Variants in PIK3AP1 observed in about 807,000 individuals in gnomAD.
The protein encoded by PIK3AP1 is phosphoinositide-3-kinase adaptor protein 1, also known as phosphoinositide 3-kinase adapter protein 1.
A neutral mutation model predicts 88.1 loss-of-function variants in PIK3AP1; 21 were observed. The ratio of observed to expected loss-of-function variants is 0.24; its 90% CI spans 0.17 to 0.34. PIK3AP1 has a LOEUF of 0.34. PIK3AP1 is among the 10% of genes least tolerant of loss of function. PIK3AP1 has a pLI of 1.00. For missense variants in PIK3AP1, 828 were observed against 1,035.7 expected, an observed-to-expected ratio of 0.80 and a Z score of 2.75; for synonymous variants, 398 against 400.0, an observed-to-expected ratio of 1.00 and a Z score of 0.06.
intron 2 of PIK3AP1, among the ~76,000 whole-genome samples, chr10:96,685,753 G>A (rs1006478926): frequency 1.3e-5 from 2 of 152,166 alleles, no homozygotes; most frequent in African/African-American, 4.8e-5. Context: ...GTCCTGGTCC[G>A]ATGCAGCAGT....
chr10:96,657,042 T>A (rs957961315), intron 2 of PIK3AP1, 108 bp from the exon 3 acceptor site: 156 of 1,191,712 alleles, frequency 1.3e-4, no homozygotes, highest in Non-Finnish European at 1.7e-4. Flanking sequence ...CGGCTCTGAA[T>A]GTCAAACCAA....
intron 8 of PIK3AP1, among the ~76,000 whole-genome samples, chr10:96,628,875 C>CACACACACATATATACATATATAT (rs1564961141): frequency 7.7e-5 from 7 of 90,882 alleles, no homozygotes; most frequent in Non-Finnish European, 1.1e-4. Flanking sequence ...CATATATACA[C>CACACACACATATATACATATATAT]ATATATATAT....
chr10:96,719,963 C>T (rs1274490524), intron 1 of PIK3AP1, among the ~76,000 whole-genome samples: 1 of 152,234 alleles, frequency 6.6e-6, no homozygotes, highest in Non-Finnish European at 1.5e-5. Flanking sequence ...CCTAGGACTG[C>T]CTGAGCGCCC....
chr10:96,659,214 T>G (rs72821016), intron 2 of PIK3AP1, among the ~76,000 whole-genome samples: 3,351 of 152,276 alleles, frequency 0.022, 53 homozygotes, highest in Non-Finnish European at 0.031. Flanking sequence ...ATTTCTGAGG[T>G]TCTTCTGGGA....
chr10:96,623,629 A>G lies in PIK3AP1; in HGVS notation c.1670-92T>C, dbSNP rs1201800660. 6.3e-6 allele frequency: 7 copies of G among 1,111,924 alleles called. No individual in the cohort carries two copies. In the Admixed American group the frequency reaches 1.2e-4, roughly 18 times the overall value. The allele number at this position is 1,111,924 out of a possible 1,614,324, so 68.9% of individuals were successfully genotyped here. A position where few individuals can be genotyped will look rare whatever the true frequency, so the allele number is the denominator to read the frequency against. ...ATGAATCCATACCTAGGACCACCGTATGTGGTTCTGTAAATCAAAATTGTA... is the reference window on the plus strand; with the variant it reads ...ATGAATCCATACCTAGGACCACCGTGTGTGGTTCTGTAAATCAAAATTGTA... On this transcript the variant is annotated intron_variant, in intron 10 of 16. Coordinates refer to ENST00000339364, the MANE Select transcript of PIK3AP1 (RefSeq NM_152309.3).
In PIK3AP1 at chr10:96,645,615, G is replaced by A. The variant is rs767920261; in HGVS notation, c.1233C>T (p.His411=). Residue 411 remains histidine, a synonymous_variant, in exon 8 of 17, where the codon CAC becomes CAT. Coordinates refer to ENST00000339364, the MANE Select transcript of PIK3AP1 (RefSeq NM_152309.3). ...CGTACACAGCATCAGCCTCCTCCCC[G>A]TGCATCAGTTCCTCTTTAATGTGAC... ...LKSHIKEELM[H]GEEADAVYES... 8.7e-6 allele frequency: 14 copies of A among 1,610,838 alleles called. No homozygotes were observed. Among genetic ancestry groups the A allele is most frequent in the Middle Eastern group, 1.6e-4 (1 of 6,066 alleles).
chr10:96,666,142 G>A (rs1053412335), intron 2 of PIK3AP1, among the ~76,000 whole-genome samples: 5 of 152,166 alleles, frequency 3.3e-5, no homozygotes, highest in African/African-American at 9.7e-5. Flanking sequence ...TAAATAGGCC[G>A]GGCGAGGTGG....
At chr10:96,609,179 G>A (rs1300704920) in intron 14 of PIK3AP1, among the ~76,000 whole-genome samples, 2 of 152,118 alleles carry the variant, frequency 1.3e-5, no homozygotes, top group Non-Finnish European at 2.9e-5. Context: ...TTTTACTTGA[G>A]TACATTGTTT....
rs762600258 is a variant in PIK3AP1 at position 96,652,687 on chromosome 10, G to A, written c.712+11C>T. ...AGCCCTATGTCATCACATTCACAGG[G>A]GACTACTTACTGGGAGCCTTCACTG... On this transcript the variant is annotated intron_variant, in intron 4 of 16. Transcript: ENST00000339364. 2 of 1,613,742 alleles carry A rather than the reference G, an allele frequency of 1.2e-6. No homozygotes were observed. Among genetic ancestry groups the A allele is most frequent in the African/African-American group, 1.3e-5 (1 of 74,874 alleles).
chr10:96,661,077 C>T (rs933565692), intron 2 of PIK3AP1, among the ~76,000 whole-genome samples: 1 of 151,996 alleles, frequency 6.6e-6, no homozygotes, highest in African/African-American at 2.4e-5. Context: ...AAAAATTAGC[C>T]TCTCATGAGG....
At chr10:96,705,889 T>TG (rs1564990278) in intron 2 of PIK3AP1, among the ~76,000 whole-genome samples, 1 of 126,970 alleles carries the variant, frequency 7.9e-6, no homozygotes, top group African/African-American at 3.1e-5. Flanking sequence ...CAGTTGTTTT[T>TG]TTTTTTTTTT....
intron 8 of PIK3AP1, chr10:96,632,949 C>T (rs762784016): frequency 2.5e-6 from 4 of 1,612,760 alleles, no homozygotes; most frequent in East Asian, 2.2e-5. Flanking sequence ...CACAAGCTAG[C>T]AGGGCAGTGA....
At chr10:96,706,585 G>A (rs1176991312) in intron 2 of PIK3AP1, among the ~76,000 whole-genome samples, 2 of 152,136 alleles carry the variant, frequency 1.3e-5, no homozygotes, top group Non-Finnish European at 2.9e-5. Context: ...TTTAGCCTTG[G>A]GAAGTGTCTT....
chr10:96,598,043 T>TG (rs1848810917), intron 16 of PIK3AP1, among the ~76,000 whole-genome samples: 1 of 106,724 alleles, frequency 9.4e-6, no homozygotes, highest in African/African-American at 3.3e-5. Flanking sequence ...GTTTTTTTGT[T>TG]GTTTTTTTTT....
chr10:96,717,849 C>G (rs1844523334), intron 1 of PIK3AP1, among the ~76,000 whole-genome samples: 1 of 152,164 alleles, frequency 6.6e-6, no homozygotes, highest in African/African-American at 2.4e-5. Flanking sequence ...TTTTATCTTC[C>G]TACCCAAGGT....
chr10:96,620,598 T>G, intron 11 of PIK3AP1, 41 bp from the exon 12 acceptor site: 1 of 1,570,888 alleles, frequency 6.4e-7, no homozygotes, highest in South Asian at 1.1e-5. Context: ...GCTCCCCCAC[T>G]GGGGACCACT....
intron 7 of PIK3AP1, among the ~76,000 whole-genome samples, chr10:96,647,212 TAAATACAACAGGATAAC>T (rs1843471794): frequency 6.6e-6 from 1 of 152,164 alleles, no homozygotes; most frequent in Non-Finnish European, 1.5e-5. Context: ...ACATCCCAGT[TAAATACAACAGGATAAC>T]AAGCCCGGGC....
At chr10:96,614,937 A>G (rs993030938) in intron 13 of PIK3AP1, among the ~76,000 whole-genome samples, 2 of 152,222 alleles carry the variant, frequency 1.3e-5, no homozygotes, top group African/African-American at 4.8e-5. Context: ...CCTTGAGAAC[A>G]GAAACCAAAG....
At chr10:96,643,277 A>C (rs1469505147) in intron 8 of PIK3AP1, among the ~76,000 whole-genome samples, 1 of 152,244 alleles carries the variant, frequency 6.6e-6, no homozygotes, top group Non-Finnish European at 1.5e-5. Flanking sequence ...GTGTTGGATA[A>C]CAATTTCTGC....
Sources: allele counts gnomAD v4.1 joint callset (sites outside exome capture counted in the v4.1 genomes callset), GRCh38; gene constraint gnomAD v4.1.1; transcripts MANE v1.5; gene names NCBI Gene and HGNC (gene_info 2026-07-23, HGNC 2026-07-21).